The following AMOTL1 variants were observed in gnomAD, a reference collection of about 807,000 sequenced individuals.
AMOTL1 encodes angiomotin-like protein 1.
In AMOTL1, 45 loss-of-function variants were observed where a neutral mutation model predicts 102.9. The ratio of observed to expected loss-of-function variants is 0.44; its 90% CI spans 0.34 to 0.56. The LOEUF is 0.56. Among genes scored for constraint, AMOTL1 ranks in the 20% least tolerant of loss-of-function variants. The pLI is 0.01. For synonymous variants in AMOTL1, 481 were observed against 484.7 expected (o/e 0.99, Z 0.10); for missense variants, 1,114 against 1,225.6 (o/e 0.91, Z 1.36).
In AMOTL1 at chr11:94,768,545, G is replaced by C; in HGVS notation, c.34G>C (p.Glu12Gln). ...GGCAAAGTTGCGCCGGGGAACTTGT[G>C]AGCCTGCGGTGAAAGGTAACCAGCC... ...WRAKLRRGTC[E>Q]PAVKGSPSAC... Residue 12 changes from glutamate (E) to glutamine (Q), a missense_variant, in exon 1 of 13, where the codon GAG (glutamate) becomes CAG (glutamine). By Grantham distance (29) the Glu-to-Gln change is conservative. Transcript: ENST00000433060. 2 of 1,600,380 alleles carry C rather than the reference G, an allele frequency of 1.2e-6. No individual in the cohort carries two copies. The highest frequency in any genetic ancestry group is 1.7e-6 in the Non-Finnish European group (2 of 1,173,930).
intron 2 of AMOTL1, among the ~76,000 whole-genome samples, chr11:94,730,673 GATGAATGA>G (rs559021145): frequency 1.3e-5 from 2 of 152,106 alleles, no homozygotes; most frequent in East Asian, 1.9e-4. Flanking sequence ...TGTGTGGCTG[GATGAATGA>G]ATGAATGAAT....
At position 94,830,118 on chromosome 11, in the gene AMOTL1, A is replaced by T. The variant is rs377164796; in HGVS notation, c.1482A>T (p.Glu494Asp). Reference sequence around the variant, plus strand: ...TGGTCAAGTCTACCACCAAGCGAGAATCGCTGGACAAGGCCATGAGAAACA... The same window carrying T: ...TGGTCAAGTCTACCACCAAGCGAGATTCGCTGGACAAGGCCATGAGAAACA... ...ESLVKSTTKR[E>D]SLDKAMRNKL... The change falls in exon 5 of 13, where the codon GAA becomes GAT. Residue 494 changes from glutamate to aspartate, a missense_variant. Glu to Asp is a conservative substitution (Grantham distance 45, BLOSUM62 2). Transcript: ENST00000433060. 1 of 1,611,014 alleles carries T rather than the reference A, an allele frequency of 6.2e-7. No homozygotes were observed. Among genetic ancestry groups the T allele is most frequent in the Non-Finnish European group, 8.5e-7 (1 of 1,178,552 alleles).
At chr11:94,748,191 A>G (rs190092376) in intron 3 of AMOTL1, among the ~76,000 whole-genome samples, 2 of 152,342 alleles carry the variant, frequency 1.3e-5, no homozygotes, top group East Asian at 1.9e-4. Flanking sequence ...ATTTCTTTTT[A>G]ACTTAGAGCA....
chr11:94,817,573 G>C (rs1191674102), intron 3 of AMOTL1, among the ~76,000 whole-genome samples: 1 of 152,168 alleles, frequency 6.6e-6, no homozygotes, highest in Admixed American at 6.5e-5. Flanking sequence ...GTTATCAGTA[G>C]TAATGGTGAT....
intron 4 of AMOTL1, among the ~76,000 whole-genome samples, chr11:94,825,379 A>T (rs567718176): frequency 6.6e-6 from 1 of 152,178 alleles, no homozygotes; most frequent in Admixed American, 6.5e-5. Context: ...GAAGGTGCTC[A>T]GGGGAAAAAA....
At chr11:94,809,848 G>A (rs1450513506) in intron 3 of AMOTL1, among the ~76,000 whole-genome samples, 4 of 138,974 alleles carry the variant, frequency 2.9e-5, no homozygotes, top group Non-Finnish European at 6.2e-5. Context: ...TTGGCTCAAA[G>A]TCTGTTTTTT....
At chr11:94,785,209 A>G (rs1403293692) in intron 1 of AMOTL1, among the ~76,000 whole-genome samples, 1 of 152,186 alleles carries the variant, frequency 6.6e-6, no homozygotes. Flanking sequence ...AGAATATTTC[A>G]TTACAACTCT....
chr11:94,869,157 AG>A (rs2135744533), intron 11 of AMOTL1, 40 bp from the exon 12 acceptor site: 2 of 1,510,402 alleles, frequency 1.3e-6, no homozygotes, highest in Non-Finnish European at 1.8e-6. Flanking sequence ...AAAAAAAAAA[AG>A]GAAAAAAAGA....
rs1183169914 is a variant in AMOTL1, at chr11:94,875,646, GTT to G, written c.*4852_*4853del. 6.6e-6 allele frequency: 1 copy of G among 152,182 alleles called. No homozygotes were observed. The highest frequency in any genetic ancestry group is 1.5e-5 in the Non-Finnish European group (1 of 68,042). 9.4% of individuals were successfully genotyped at this position (152,182 alleles called of 1,614,324 possible). A position where few individuals can be genotyped will look rare whatever the true frequency, so the allele number is the denominator to read the frequency against. Reference sequence around the variant, plus strand: ...CCTCCTCCTTTGAGGATGGATTTAAGTTCTGGAAATAATCTCAAGTGCTTGAT... The same window carrying G: ...CCTCCTCCTTTGAGGATGGATTTAAGCTGGAAATAATCTCAAGTGCTTGAT... On this transcript the variant is annotated 3_prime_UTR_variant, in exon 13 of 13. Transcript: ENST00000433060.
Position 94,857,780 on chromosome 11 carries a change from A to C in AMOTL1, c.1945-1745A>C, listed in dbSNP as rs544078416. Among the ~76,000 whole-genome samples the C allele has an allele frequency of 2.0e-5, 3 of 152,302 alleles. No homozygotes were observed. In the East Asian group the frequency reaches 5.8e-4, roughly 29 times the overall value. On this transcript the variant is annotated intron_variant, in intron 8 of 12. Transcript: ENST00000433060. ...GAGGACATTCCTCCCATGTGAACAC[A>C]CTGAGGGTGAAGACTTAATCTGTAG...
intron 3 of AMOTL1, among the ~76,000 whole-genome samples, chr11:94,809,664 T>C (rs1021114942): frequency 1.3e-5 from 2 of 152,250 alleles, no homozygotes; most frequent in African/African-American, 4.8e-5. Context: ...TTATAGCCCT[T>C]ATGCCAAATT....
At chr11:94,853,736 A>G (rs1208023732) in intron 7 of AMOTL1, among the ~76,000 whole-genome samples, 197 bp from the exon 8 acceptor site, 1 of 152,120 alleles carries the variant, frequency 6.6e-6, no homozygotes, top group East Asian at 1.9e-4. Context: ...CATCCTAGCC[A>G]TTGTAGGTAT....
At chr11:94,823,029 G>T (rs1259079118) in intron 4 of AMOTL1, among the ~76,000 whole-genome samples, 1 of 140,192 alleles carries the variant, frequency 7.1e-6, no homozygotes, top group African/African-American at 3.3e-5. Context: ...TTGTCACTTT[G>T]GCTCTATGTG....
intron 6 of AMOTL1, among the ~76,000 whole-genome samples, chr11:94,832,530 G>GT (rs1565372592): frequency 1.3e-5 from 2 of 152,032 alleles, no homozygotes; most frequent in Admixed American, 6.5e-5. Flanking sequence ...TTTAAATTCC[G>GT]TTTTTTGCAA....
In AMOTL1 at chr11:94,800,331, G is replaced by T. The variant is rs181253821; in HGVS notation, c.1121+20G>T. ...AACGAGGTGATTATCAACTGCAGACGTTTCGTGCGGCTTTTCAAAATTCAA... is the reference window on the plus strand; with the variant it reads ...AACGAGGTGATTATCAACTGCAGACTTTTCGTGCGGCTTTTCAAAATTCAA... On this transcript the variant is annotated intron_variant, in intron 3 of 12. Transcript: ENST00000433060. The T allele has an allele frequency of 1.3e-6, 2 of 1,548,100 alleles. No homozygotes were observed. Among genetic ancestry groups the T allele is most frequent in the Admixed American group, 4.2e-5 (2 of 47,330 alleles).
intron 2 of AMOTL1, among the ~76,000 whole-genome samples, chr11:94,796,627 C>T (rs772300664): frequency 4.3e-4 from 65 of 152,176 alleles, no homozygotes; most frequent in Non-Finnish European, 4.1e-4. Flanking sequence ...GATGGGGGAG[C>T]TTGTTGGTGT....
chr11:94,788,530 C>T (rs1454944593), intron 1 of AMOTL1, among the ~76,000 whole-genome samples: 20 of 152,212 alleles, frequency 1.3e-4, no homozygotes, highest in Admixed American at 1.3e-3. Context: ...ATCTCTTTCT[C>T]CTTGTCACTG....
Position 94,831,030 on chromosome 11 carries a change from C to T in AMOTL1, c.1559-422C>T, listed in dbSNP as rs115117203. Among the ~76,000 whole-genome samples the T allele has an allele frequency of 1.1e-3, 160 of 152,208 alleles. 1 individual carries two copies. The highest frequency in any genetic ancestry group is 3.6e-3 in the African/African-American group (148 of 41,536). On this transcript the variant is annotated intron_variant, in intron 5 of 12. Transcript: ENST00000433060. ...GGTCATTTTGACTTTTTTTGGTATT[C>T]GTTATTTTTTTTCTTTGATTCTGAG...
upstream of AMOTL1, among the ~76,000 whole-genome samples, chr11:94,768,131 T>A (rs184472008): frequency 3.2e-4 from 48 of 152,270 alleles, no homozygotes; most frequent in East Asian, 5.2e-3. Context: ...AAGGAAGGGA[T>A]GCTGTCGCCC....
Sources: gnomAD v4.1 joint callset for allele counts (sites outside exome capture counted in the v4.1 genomes callset) on GRCh38, gnomAD v4.1.1 for gene constraint, MANE v1.5 for transcripts, NCBI Gene and HGNC (gene_info 2026-07-23, HGNC 2026-07-21) for gene names.